KCNQ3: variants seen among roughly 807,000 people sequenced by gnomAD.
KCNQ3 encodes potassium voltage-gated channel subfamily Q member 3, also known as potassium voltage-gated channel subfamily KQT member 3.
A neutral mutation model predicts 92.5 loss-of-function variants in KCNQ3; 30 were observed. That is an observed-to-expected ratio of 0.32 (90% confidence interval 0.24 to 0.44). KCNQ3 has a LOEUF of 0.44. Among genes scored for constraint, KCNQ3 ranks in the 20% least tolerant of loss-of-function variants. The pLI is 1.00. For missense variants in KCNQ3, 913 were observed against 1,140.3 expected, an observed-to-expected ratio of 0.80 and a Z score of 2.87; for synonymous variants, 450 against 468.8, an observed-to-expected ratio of 0.96 and a Z score of 0.52.
At chr8:132,209,871 C>T (rs1312427060) in intron 1 of KCNQ3, among the ~76,000 whole-genome samples, 4 of 152,154 alleles carry the variant, frequency 2.6e-5, no homozygotes, top group African/African-American at 9.7e-5. Context: ...ACTGGGACAT[C>T]ACCCTGTCAT....
At chr8:132,403,016 C>CAAAAAAAA (rs375099145) in intron 1 of KCNQ3, among the ~76,000 whole-genome samples, 4,150 of 67,468 alleles carry the variant, frequency 0.062, 563 homozygotes, top group Middle Eastern at 0.077. Flanking sequence ...GGCACCATCA[C>CAAAAAAAA]AAAAAAAAAA....
intron 1 of KCNQ3, among the ~76,000 whole-genome samples, chr8:132,229,494 G>A (rs1476740536): frequency 6.6e-6 from 1 of 152,068 alleles, no homozygotes; most frequent in Non-Finnish European, 1.5e-5. Flanking sequence ...CCTTGTCTGA[G>A]TTTTGGTACA....
rs1164459909 is a variant in KCNQ3, at chr8:132,137,990, T to C, written c.1595A>G (p.Lys532Arg). 6.2e-7 allele frequency: 1 copy of C among 1,612,724 alleles called. No individual in the cohort carries two copies. The highest frequency in any genetic ancestry group is 1.1e-5 in the South Asian group (1 of 91,088). ...AGGCCTCAAAGTCTCCTTGAATTTT[T>C]TTTTATAGAGACGGAATTGTAGAAT... ...VRILQFRLYK[K>R]KFKETLRPYD... is the part of the protein sequence containing the mutation. Residue 532 changes from lysine (K) to arginine (R), a missense_variant, in exon 12 of 15, where the codon AAA becomes AGA. Lys to Arg is a conservative substitution (Grantham distance 26). This residue lies in a region of KCNQ3 where 182 missense variants were observed against 234.5 expected (regional missense o/e 0.78). Coordinates refer to ENST00000388996, the MANE Select transcript of KCNQ3 (RefSeq NM_004519.4).
At chr8:132,185,108 C>A (rs1366418176) in intron 2 of KCNQ3, among the ~76,000 whole-genome samples, 1 of 152,178 alleles carries the variant, frequency 6.6e-6, no homozygotes, top group African/African-American at 2.4e-5. Context: ...ATCCCTGGAG[C>A]CTAGTTCCTG....
At chr8:132,186,584 T>C (rs1826964011) in intron 1 of KCNQ3, 2 of 322,758 alleles carry the variant, frequency 6.2e-6, no homozygotes, top group Non-Finnish European at 1.2e-5. Context: ...TTTAAAAATA[T>C]ATGAAAATGT....
intron 1 of KCNQ3, among the ~76,000 whole-genome samples, chr8:132,205,974 A>G (rs1813644825): frequency 6.6e-6 from 1 of 152,160 alleles, no homozygotes; most frequent in Non-Finnish European, 1.5e-5. Flanking sequence ...TGGTATGTGA[A>G]GGTGGAAGGT....
intron 1 of KCNQ3, among the ~76,000 whole-genome samples, chr8:132,242,179 T>C (rs1815018877): frequency 6.6e-6 from 1 of 152,214 alleles, no homozygotes. Flanking sequence ...GTTGCTGACC[T>C]GTGAGGTGGT....
intron 1 of KCNQ3, among the ~76,000 whole-genome samples, chr8:132,296,717 A>G (rs1349933000): frequency 2.6e-5 from 4 of 151,862 alleles, no homozygotes; most frequent in Non-Finnish European, 5.9e-5. Context: ...AAGGACATGA[A>G]CTCTTCATTT....
At chr8:132,351,886 G>A (rs754984544) in intron 1 of KCNQ3, among the ~76,000 whole-genome samples, 34 of 152,152 alleles carry the variant, frequency 2.2e-4, no homozygotes, top group Non-Finnish European at 4.4e-4. Context: ...TGGGCAAATC[G>A]CTTCTGCTCT....
chr8:132,380,433 T>C (rs1313777355), intron 1 of KCNQ3, among the ~76,000 whole-genome samples: 2 of 152,178 alleles, frequency 1.3e-5, no homozygotes, highest in African/African-American at 2.4e-5. Flanking sequence ...GATCAAATTA[T>C]TCATCAGAAG....
At chr8:132,422,182 A>G (rs2130811952) in intron 1 of KCNQ3, among the ~76,000 whole-genome samples, 1 of 152,220 alleles carries the variant, frequency 6.6e-6, no homozygotes, top group Non-Finnish European at 1.5e-5. Context: ...TCAGGAAATG[A>G]CACCACCATC....
At chr8:132,413,543 T>A (rs1820711137) in intron 1 of KCNQ3, among the ~76,000 whole-genome samples, 3 of 152,220 alleles carry the variant, frequency 2.0e-5, no homozygotes, top group Non-Finnish European at 4.4e-5. Flanking sequence ...GATCTCCATT[T>A]ATCTCCATTC....
At chr8:132,406,799 A>T (rs58572402) in intron 1 of KCNQ3, among the ~76,000 whole-genome samples, 2,070 of 152,342 alleles carry the variant, frequency 0.014, 46 homozygotes, top group African/African-American at 0.048. Flanking sequence ...TTCAAGAGTC[A>T]ACCCTGTTTT....
At chr8:132,242,786 G>A (rs1815037717) in intron 1 of KCNQ3, among the ~76,000 whole-genome samples, 1 of 152,174 alleles carries the variant, frequency 6.6e-6, no homozygotes. Context: ...CATGATACCT[G>A]ACATTACATT....
intron 1 of KCNQ3, among the ~76,000 whole-genome samples, chr8:132,445,246 A>C (rs1362131790): frequency 6.6e-6 from 1 of 152,162 alleles, no homozygotes; most frequent in Non-Finnish European, 1.5e-5. Context: ...GGGGAAGCAA[A>C]GAGCTGGCCT....
intron 1 of KCNQ3, among the ~76,000 whole-genome samples, chr8:132,194,178 T>C (rs1827241669): frequency 6.6e-6 from 1 of 152,212 alleles, no homozygotes; most frequent in African/African-American, 2.4e-5. Context: ...ACATTTTTCC[T>C]AGCTAGGTGA....
intron 1 of KCNQ3, among the ~76,000 whole-genome samples, chr8:132,407,478 A>G (rs2130792778): frequency 6.6e-6 from 1 of 152,318 alleles, no homozygotes; most frequent in Non-Finnish European, 1.5e-5. Context: ...CACTTCCTGC[A>G]TCTAAGAACC....
chr8:132,149,955 G>A (rs558621469), intron 9 of KCNQ3, among the ~76,000 whole-genome samples: 22 of 152,276 alleles, frequency 1.4e-4, no homozygotes, highest in African/African-American at 5.3e-4. Context: ...TTTGCCATAA[G>A]AATAAGAGGT....
At chr8:132,151,335 A>G (rs1345122840) in intron 9 of KCNQ3, among the ~76,000 whole-genome samples, 1 of 152,240 alleles carries the variant, frequency 6.6e-6, no homozygotes, top group Non-Finnish European at 1.5e-5. Flanking sequence ...GAACAGTAAA[A>G]TGTGTTTTTA....
Sources: allele counts gnomAD v4.1 joint callset (sites outside exome capture counted in the v4.1 genomes callset), GRCh38; gene constraint gnomAD v4.1.1; regional missense constraint gnomAD v4.1.1; transcripts MANE v1.5; gene names NCBI Gene and HGNC (gene_info 2026-07-23, HGNC 2026-07-21).